KCNN2: variants seen among roughly 807,000 people sequenced by gnomAD.
The protein encoded by KCNN2 is small conductance calcium-activated potassium channel protein 2.
KCNN2 carries 24 observed loss-of-function variants against 55.5 expected under a neutral mutation model. That is an observed-to-expected ratio of 0.43 (90% CI 0.31 to 0.61). KCNN2 has a LOEUF of 0.61. KCNN2 is among the 20% of genes least tolerant of loss of function. The pLI is 0.08. For missense variants in KCNN2, 754 were observed against 853.6 expected (o/e 0.88, Z 1.45); for synonymous variants, 431 against 336.1 (o/e 1.28, Z -3.09).
chr5:114,193,069 C>T (rs1235137665), intron 1 of KCNN2, among the ~76,000 whole-genome samples: 3 of 152,128 alleles, frequency 2.0e-5, no homozygotes, highest in Non-Finnish European at 4.4e-5. Context: ...TTGGGACATA[C>T]TTATACTAGT....
chr5:114,149,484 C>T (rs562655898), intron 1 of KCNN2, among the ~76,000 whole-genome samples: 43 of 152,128 alleles, frequency 2.8e-4, no homozygotes, highest in Non-Finnish European at 5.4e-4. Context: ...TCACTGCCTT[C>T]TGGTCCCGTG....
intron 1 of KCNN2, among the ~76,000 whole-genome samples, chr5:114,189,606 G>A (rs546863957): frequency 5.3e-5 from 8 of 152,130 alleles, no homozygotes; most frequent in South Asian, 2.1e-4. Context: ...AAACTAACTC[G>A]TATGTTTTAC....
At chr5:114,490,601 C>T (rs1209866084) in intron 6 of KCNN2, 1 of 397,386 alleles carries the variant, frequency 2.5e-6, no homozygotes, top group Middle Eastern at 6.4e-4. Flanking sequence ...TTGTGCACAA[C>T]TGAACACCAC....
intron 2 of KCNN2, among the ~76,000 whole-genome samples, chr5:114,250,235 C>T (rs1294958780): frequency 3.3e-5 from 5 of 152,186 alleles, no homozygotes; most frequent in Non-Finnish European, 7.3e-5. Context: ...AAACAAGCTA[C>T]ATTGTTCCTT....
chr5:114,290,985 T>A (rs904229411), intron 2 of KCNN2, among the ~76,000 whole-genome samples: 2 of 152,092 alleles, frequency 1.3e-5, no homozygotes, highest in Admixed American at 6.6e-5. Flanking sequence ...TAAAACTTGT[T>A]TGGCGGCCTG....
At chr5:114,316,769 C>G (rs191669793) in intron 2 of KCNN2, among the ~76,000 whole-genome samples, 45 of 152,272 alleles carry the variant, frequency 3.0e-4, no homozygotes, top group African/African-American at 9.4e-4. Flanking sequence ...AAAACACGCT[C>G]TAATGCAGTT....
At chr5:114,280,907 T>G (rs1348255019) in intron 2 of KCNN2, among the ~76,000 whole-genome samples, 1 of 152,176 alleles carries the variant, frequency 6.6e-6, no homozygotes, top group Non-Finnish European at 1.5e-5. Context: ...CCTGTCCTTG[T>G]TCTGTTCTCA....
intron 1 of KCNN2, among the ~76,000 whole-genome samples, chr5:114,145,364 T>A (rs1458244774): frequency 6.6e-6 from 1 of 152,198 alleles, no homozygotes; most frequent in Non-Finnish European, 1.5e-5. Context: ...TGTTAGCATT[T>A]GAAGACACGT....
intron 4 of KCNN2, among the ~76,000 whole-genome samples, chr5:114,467,831 T>C (rs1486512405): frequency 6.6e-6 from 1 of 152,212 alleles, no homozygotes; most frequent in Non-Finnish European, 1.5e-5. Flanking sequence ...TCAGCACTTT[T>C]AATTGGCAGA....
chr5:114,384,009 T>A (rs1758205554), intron 2 of KCNN2, among the ~76,000 whole-genome samples: 1 of 152,210 alleles, frequency 6.6e-6, no homozygotes, highest in Non-Finnish European at 1.5e-5. Context: ...TACATTGTAG[T>A]TCTTATTCAG....
chr5:114,283,903 T>C (rs1457460955), intron 2 of KCNN2, among the ~76,000 whole-genome samples: 1 of 152,176 alleles, frequency 6.6e-6, no homozygotes, highest in Non-Finnish European at 1.5e-5. Context: ...TGTCACGCAT[T>C]ACATTCTGAC....
At chr5:114,228,707 G>C (rs1007253820) in intron 2 of KCNN2, among the ~76,000 whole-genome samples, 1 of 152,012 alleles carries the variant, frequency 6.6e-6, no homozygotes, top group Non-Finnish European at 1.5e-5. Context: ...ATGATTTTCA[G>C]ATTATGACTT....
At chr5:114,164,303 G>T (rs1230809341) in intron 1 of KCNN2, among the ~76,000 whole-genome samples, 1 of 152,102 alleles carries the variant, frequency 6.6e-6, no homozygotes, top group Non-Finnish European at 1.5e-5. Flanking sequence ...AGTGTTAAGA[G>T]AAATATTAAT....
intron 3 of KCNN2, among the ~76,000 whole-genome samples, chr5:114,438,785 C>A (rs1024475434): frequency 6.6e-6 from 1 of 152,136 alleles, no homozygotes; most frequent in African/African-American, 2.4e-5. Context: ...CTATTTTCCC[C>A]TATTTGCCTG....
intron 4 of KCNN2, among the ~76,000 whole-genome samples, chr5:114,464,057 A>G (rs1220857107): frequency 1.3e-5 from 2 of 152,128 alleles, no homozygotes; most frequent in African/African-American, 2.4e-5. Context: ...GCACTTGGGA[A>G]AGGTCTGCTA....
chr5:114,205,142 G>T (rs895570640), intron 1 of KCNN2, among the ~76,000 whole-genome samples: 11 of 151,818 alleles, frequency 7.2e-5, no homozygotes, highest in African/African-American at 2.7e-4. Context: ...GTCTGTCTTT[G>T]TGTATAGGCA....
chr5:114,113,339 T>C (rs1751641171), intron 1 of KCNN2, among the ~76,000 whole-genome samples: 1 of 151,882 alleles, frequency 6.6e-6, no homozygotes, highest in Non-Finnish European at 1.5e-5. Context: ...GATCTCGGTC[T>C]CATTATCCAA....
intron 2 of KCNN2, among the ~76,000 whole-genome samples, chr5:114,285,986 C>T (rs1580694250): frequency 6.7e-6 from 1 of 149,632 alleles, no homozygotes; most frequent in Non-Finnish European, 1.5e-5. Flanking sequence ...ATGGCATGAT[C>T]TCGACTCACA....
chr5:114,246,766 T>A (rs1754755905), intron 2 of KCNN2, among the ~76,000 whole-genome samples: 1 of 152,112 alleles, frequency 6.6e-6, no homozygotes, highest in Non-Finnish European at 1.5e-5. Flanking sequence ...ATTATTCTTA[T>A]TCAATTGTTA....
Sources: gnomAD v4.1 joint callset for allele counts (sites outside exome capture counted in the v4.1 genomes callset) on GRCh38, gnomAD v4.1.1 for gene constraint, MANE v1.5 for transcripts, NCBI Gene and HGNC (gene_info 2026-07-23, HGNC 2026-07-21) for gene names.